CAMK2D: variants seen among roughly 807,000 people sequenced by gnomAD.
CAMK2D encodes calcium/calmodulin dependent protein kinase II delta.
In CAMK2D, 37 loss-of-function variants were observed where a neutral mutation model predicts 84.0. The observed-to-expected ratio is 0.44, with a 90% confidence interval of 0.34 to 0.58. The LOEUF (loss-of-function observed/expected upper bound fraction) is 0.58, where lower values mean the gene tolerates loss of function less well. Ranked by LOEUF, CAMK2D falls within the 20% of genes least tolerant of loss-of-function variation. CAMK2D has a pLI of 0.02. For missense variants in CAMK2D, 448 were observed against 652.5 expected, an observed-to-expected ratio of 0.69 and a Z score of 3.41; for synonymous variants, 202 against 212.5, an observed-to-expected ratio of 0.95 and a Z score of 0.43.
At chr4:113,468,104 A>G (rs1173967309) in intron 16 of CAMK2D, among the ~76,000 whole-genome samples, 1 of 152,122 alleles carries the variant, frequency 6.6e-6, no homozygotes, top group African/African-American at 2.4e-5. Flanking sequence ...ATCACTTCCT[A>G]AAGTTTCTGA....
At chr4:113,638,050 A>G (rs1238539163) in intron 3 of CAMK2D, among the ~76,000 whole-genome samples, 1 of 152,088 alleles carries the variant, frequency 6.6e-6, no homozygotes, top group Non-Finnish European at 1.5e-5. Context: ...GTGCCTTCCA[A>G]TTTGTAGCTT....
intron 16 of CAMK2D, among the ~76,000 whole-genome samples, chr4:113,470,243 A>G (rs184998092): frequency 1.3e-4 from 20 of 151,900 alleles, no homozygotes; most frequent in Admixed American, 7.2e-4. Flanking sequence ...TCTGCCTCCT[A>G]TTACCAGCCC....
intron 5 of CAMK2D, 106 bp downstream of exon 5, chr4:113,551,925 A>G: frequency 2.0e-6 from 1 of 505,988 alleles, no homozygotes; most frequent in Non-Finnish European, 3.6e-6. Flanking sequence ...CATCCCGGAG[A>G]TCCTTAAAAC....
chr4:113,656,415 A>C (rs2099200620), intron 3 of CAMK2D, among the ~76,000 whole-genome samples: 1 of 152,254 alleles, frequency 6.6e-6, no homozygotes, highest in South Asian at 2.1e-4. Flanking sequence ...CAGGGGTACT[A>C]GGCTGATAAG....
At chr4:113,503,297 C>T (rs779017382) in intron 14 of CAMK2D, 4 of 579,748 alleles carry the variant, frequency 6.9e-6, no homozygotes, top group South Asian at 4.2e-5. Flanking sequence ...TTCCTTTCTT[C>T]TTTAATGAGT....
At chr4:113,697,892 C>A (rs904456967) in intron 2 of CAMK2D, among the ~76,000 whole-genome samples, 1 of 151,990 alleles carries the variant, frequency 6.6e-6, no homozygotes, top group Non-Finnish European at 1.5e-5. Context: ...ACAAAACTAG[C>A]GAGTCACAAT....
intron 18 of CAMK2D, among the ~76,000 whole-genome samples, chr4:113,459,100 C>G (rs1031789117): frequency 1.3e-5 from 2 of 152,170 alleles, no homozygotes; most frequent in Non-Finnish European, 2.9e-5. Flanking sequence ...TCTGATTACT[C>G]ACCTTCATTT....
chr4:113,536,747 A>G (rs891757711), intron 7 of CAMK2D, among the ~76,000 whole-genome samples: 9 of 152,206 alleles, frequency 5.9e-5, no homozygotes, highest in Non-Finnish European at 7.3e-5. Flanking sequence ...ATTTAGAGTT[A>G]ATTTCTTCCT....
intron 8 of CAMK2D, among the ~76,000 whole-genome samples, chr4:113,530,189 G>T (rs1334275852): frequency 6.6e-6 from 1 of 152,160 alleles, no homozygotes; most frequent in Non-Finnish European, 1.5e-5. Context: ...GATTTTTTCA[G>T]ATTTTGTAGT....
rs565795426 is a variant in CAMK2D, at chr4:113,727,007, A to G, written c.160+32313T>C. Reference sequence around the variant, plus strand: ...TTGGTGTTTAAATAGACTTTAAAAGAGAGAGGAGACCCTATGTTTGCTAGA... The same window carrying G: ...TTGGTGTTTAAATAGACTTTAAAAGGGAGAGGAGACCCTATGTTTGCTAGA... On this transcript the variant is annotated intron_variant, in intron 2 of 20. Transcript: ENST00000511664. Among the ~76,000 whole-genome samples, 3 of 152,296 alleles carry G rather than the reference A, an allele frequency of 2.0e-5. No homozygotes were observed. In the East Asian group the frequency reaches 5.8e-4, roughly 29 times the overall value.
At chr4:113,470,060 A>G (rs1267361137) in intron 16 of CAMK2D, among the ~76,000 whole-genome samples, 1 of 151,798 alleles carries the variant, frequency 6.6e-6, no homozygotes, top group Non-Finnish European at 1.5e-5. Context: ...ATAACCTTCT[A>G]TTTGAACTCT....
chr4:113,705,699 TTCTCCATAGA>T (rs1217470313), intron 2 of CAMK2D, among the ~76,000 whole-genome samples: 1 of 152,226 alleles, frequency 6.6e-6, no homozygotes, highest in Admixed American at 6.5e-5. Context: ...AGCTTTTGCT[TTCTCCATAGA>T]TCTCCTTAGA....
chr4:113,600,424 T>C (rs1398519708), intron 4 of CAMK2D, among the ~76,000 whole-genome samples: 2 of 152,148 alleles, frequency 1.3e-5, no homozygotes, highest in Non-Finnish European at 2.9e-5. Context: ...ATGGAAACTT[T>C]CTGTATTTCC....
intron 4 of CAMK2D, among the ~76,000 whole-genome samples, chr4:113,603,885 G>A (rs1051698414): frequency 2.9e-4 from 43 of 148,256 alleles, no homozygotes; most frequent in Admixed American, 8.7e-4. Flanking sequence ...GCTTGAGACC[G>A]GAAGTTTGAG....
intron 4 of CAMK2D, among the ~76,000 whole-genome samples, chr4:113,568,253 G>C (rs1048206081): frequency 6.6e-6 from 1 of 152,100 alleles, no homozygotes; most frequent in East Asian, 1.9e-4. Flanking sequence ...TCCAGCACCT[G>C]GTAACTGTCA....
chr4:113,511,954 A>G (rs561589338), intron 12 of CAMK2D, among the ~76,000 whole-genome samples: 1 of 152,342 alleles, frequency 6.6e-6, no homozygotes, highest in East Asian at 1.9e-4. Flanking sequence ...TTGGTTGAAG[A>G]GCATTTAATA....
chr4:113,564,166 G>A (rs144198821), intron 4 of CAMK2D, among the ~76,000 whole-genome samples: 1 of 152,108 alleles, frequency 6.6e-6, no homozygotes, highest in African/African-American at 2.4e-5. Flanking sequence ...CAGTTTCAAG[G>A]TATCAGTGAC....
At chr4:113,755,583 A>G (rs1217669480) in intron 2 of CAMK2D, among the ~76,000 whole-genome samples, 1 of 151,976 alleles carries the variant, frequency 6.6e-6, no homozygotes, top group Non-Finnish European at 1.5e-5. Flanking sequence ...TTACTTCCAC[A>G]TAAAATATTT....
chr4:113,474,372 C>T (rs1164421651), intron 16 of CAMK2D, among the ~76,000 whole-genome samples: 2 of 152,108 alleles, frequency 1.3e-5, no homozygotes, highest in African/African-American at 2.4e-5. Flanking sequence ...TATCTCTTCT[C>T]TCCACTGTGT....
Sources: allele counts gnomAD v4.1 joint callset (sites outside exome capture counted in the v4.1 genomes callset), GRCh38; gene constraint gnomAD v4.1.1; transcripts MANE v1.5; gene names NCBI Gene and HGNC (gene_info 2026-07-23, HGNC 2026-07-21).